Variants in DEPTOR observed in about 807,000 individuals in gnomAD.
The protein encoded by DEPTOR is DEP domain-containing mTOR-interacting protein.
In DEPTOR, 41 loss-of-function variants were observed where a neutral mutation model predicts 41.6. That is an observed-to-expected ratio of 0.98 (90% CI 0.77 to 1.28). The LOEUF is 1.28. Ranked by LOEUF, DEPTOR falls within the 50% of genes most tolerant of loss-of-function variation. DEPTOR has a pLI of 0.00. For synonymous variants in DEPTOR, 195 were observed against 192.3 expected (o/e 1.01, Z -0.12); for missense variants, 514 against 527.9 (o/e 0.97, Z 0.26).
chr8:119,912,776 T>C (rs1827761154), intron 1 of DEPTOR, among the ~76,000 whole-genome samples: 1 of 152,258 alleles, frequency 6.6e-6, no homozygotes, highest in South Asian at 2.1e-4. Context: ...CCTGGCCTTG[T>C]GGCTTACGGT....
chr8:119,948,983 C>T (rs529392212), intron 3 of DEPTOR, among the ~76,000 whole-genome samples: 2 of 152,242 alleles, frequency 1.3e-5, no homozygotes, highest in Non-Finnish European at 2.9e-5. Flanking sequence ...GACAGGGTTT[C>T]ACCATGTTGC....
chr8:119,943,481 C>G (rs1026742942), intron 3 of DEPTOR, among the ~76,000 whole-genome samples: 1 of 152,106 alleles, frequency 6.6e-6, no homozygotes, highest in Non-Finnish European at 1.5e-5. Context: ...AACTCACTCA[C>G]TATCACGAGA....
chr8:119,924,141 T>C (rs1827935017), intron 1 of DEPTOR, among the ~76,000 whole-genome samples: 1 of 152,222 alleles, frequency 6.6e-6, no homozygotes, highest in South Asian at 2.1e-4. Context: ...GCTTAAGGGC[T>C]CCTGGTGATG....
intron 3 of DEPTOR, among the ~76,000 whole-genome samples, chr8:119,944,169 A>G (rs750547200): frequency 6.6e-6 from 1 of 152,178 alleles, no homozygotes; most frequent in Non-Finnish European, 1.5e-5. Context: ...ACCCATTTGC[A>G]TAGCCTTGTT....
intron 8 of DEPTOR, among the ~76,000 whole-genome samples, chr8:120,024,954 G>A (rs949664735): frequency 7.2e-5 from 11 of 152,126 alleles, no homozygotes; most frequent in East Asian, 3.9e-4. Context: ...GTCATTGACC[G>A]GAAAAAAATG....
chr8:119,911,669 G>A (rs1030601195), intron 1 of DEPTOR, among the ~76,000 whole-genome samples: 1 of 152,110 alleles, frequency 6.6e-6, no homozygotes, highest in African/African-American at 2.4e-5. Flanking sequence ...CTGAAGGAAG[G>A]GTTATGTAAC....
intron 1 of DEPTOR, among the ~76,000 whole-genome samples, chr8:119,913,403 G>C (rs1345067455): frequency 1.3e-5 from 2 of 152,168 alleles, no homozygotes; most frequent in Non-Finnish European, 2.9e-5. Flanking sequence ...CATTTTCACT[G>C]GTTTACAGAA....
chr8:120,031,853 C>T (rs1391583053), intron 8 of DEPTOR, among the ~76,000 whole-genome samples: 2 of 152,140 alleles, frequency 1.3e-5, no homozygotes, highest in Non-Finnish European at 2.9e-5. Flanking sequence ...ATTCCCACTG[C>T]TGTGACTTGA....
chr8:120,045,473 C>T (rs576213704), intron 8 of DEPTOR, among the ~76,000 whole-genome samples: 27 of 152,258 alleles, frequency 1.8e-4, no homozygotes, highest in African/African-American at 6.3e-4. Context: ...TGGGTTGAAG[C>T]GATACTCTTG....
chr8:119,977,095 G>C (rs975478606), intron 4 of DEPTOR, among the ~76,000 whole-genome samples: 1 of 152,070 alleles, frequency 6.6e-6, no homozygotes, highest in African/African-American at 2.4e-5. Context: ...CCGCCTCCCG[G>C]GTTGTAGCGA....
intron 1 of DEPTOR, among the ~76,000 whole-genome samples, chr8:119,900,405 G>GTTTTTTTTTTTTTTTT (rs1827575553): frequency 3.9e-4 from 1 of 2,582 alleles, no homozygotes; most frequent in African/African-American, 1.2e-3. Flanking sequence ...TTTTTTTTTT[G>GTTTTTTTTTTTTTTTT]GGAGACAGGG....
intron 3 of DEPTOR, among the ~76,000 whole-genome samples, chr8:119,962,086 CAAAAAAA>C (rs772605916): frequency 2.1e-5 from 1 of 48,198 alleles, no homozygotes. Flanking sequence ...ACTAAAAATA[CAAAAAAA>C]AAAAAAAAAA....
chr8:119,964,515 C>CAAAAAAAAAAAAAAAAAAAAAAAAAAAAA (rs536731714), intron 3 of DEPTOR, among the ~76,000 whole-genome samples: 1 of 121,692 alleles, frequency 8.2e-6, no homozygotes, highest in African/African-American at 3.3e-5. Context: ...AAGCCCGTCT[C>CAAAAAAAAAAAAAAAAAAAAAAAAAAAAA]AAAAAAAAAA....
chr8:119,950,823 C>A (rs1391872186), intron 3 of DEPTOR, among the ~76,000 whole-genome samples: 7 of 152,192 alleles, frequency 4.6e-5, no homozygotes, highest in Admixed American at 4.6e-4. Context: ...GTCTCCAACT[C>A]CTGGCCTCAA....
rs145040907 is a variant in DEPTOR, at chr8:120,023,576, A to G, written c.1101+14443A>G. Among the ~76,000 whole-genome samples the G allele has an allele frequency of 2.0e-5, 3 of 152,306 alleles. No individual in the cohort carries two copies. In the East Asian group the frequency reaches 5.8e-4, roughly 29 times the overall value. On this transcript the variant is annotated intron_variant, in intron 8 of 8. Transcript: ENST00000286234. ...ATCTTGGGAAGTAAAGATAAACATGAGAGTGTCTTTACTATATCTGCTGGG... is the reference window on the plus strand; with the variant it reads ...ATCTTGGGAAGTAAAGATAAACATGGGAGTGTCTTTACTATATCTGCTGGG...
intron 1 of DEPTOR, among the ~76,000 whole-genome samples, chr8:119,893,701 G>A (rs759059614): frequency 2.0e-5 from 3 of 151,808 alleles, no homozygotes; most frequent in Non-Finnish European, 4.4e-5. Context: ...GGTGGCATGC[G>A]CCTGTAACCC....
chr8:119,895,750 C>CAGTCTGT (rs1827512625), intron 1 of DEPTOR, among the ~76,000 whole-genome samples: 2 of 151,902 alleles, frequency 1.3e-5, no homozygotes, highest in Admixed American at 6.6e-5. Flanking sequence ...GGCATGTCTG[C>CAGTCTGT]ACACTTTCCA....
intron 4 of DEPTOR, among the ~76,000 whole-genome samples, chr8:119,993,768 ATT>A (rs554849570): frequency 2.7e-5 from 4 of 147,104 alleles, no homozygotes; most frequent in Admixed American, 1.4e-4. Flanking sequence ...CATATCATGG[ATT>A]TTTTTTTTTC....
intron 1 of DEPTOR, among the ~76,000 whole-genome samples, chr8:119,880,137 G>A (rs913254969): frequency 3.5e-4 from 42 of 120,736 alleles, no homozygotes; most frequent in African/African-American, 4.1e-4. Flanking sequence ...GCGGGACTCC[G>A]TCTCAAAATA....
Sources: gnomAD v4.1 joint callset for allele counts (sites outside exome capture counted in the v4.1 genomes callset) on GRCh38, gnomAD v4.1.1 for gene constraint, MANE v1.5 for transcripts, NCBI Gene and HGNC (gene_info 2026-07-23, HGNC 2026-07-21) for gene names.